The following GABRG3 variants were observed in gnomAD, a reference collection of about 807,000 sequenced individuals.
GABRG3 encodes gamma-aminobutyric acid receptor subunit gamma-3.
In GABRG3, 25 loss-of-function variants were observed where a neutral mutation model predicts 48.8. The ratio of observed to expected loss-of-function variants is 0.51; its 90% CI spans 0.37 to 0.72. The LOEUF is 0.72. Among genes scored for constraint, GABRG3 ranks in the 30% least tolerant of loss-of-function variants. The probability of loss-of-function intolerance (pLI) is 0.00; values close to 1 mark genes in which losing one functional copy is unlikely to be tolerated. For missense variants in GABRG3, 394 were observed against 577.9 expected (o/e 0.68, Z 3.26); for synonymous variants, 227 against 217.6 (o/e 1.04, Z -0.38).
intron 3 of GABRG3, among the ~76,000 whole-genome samples, chr15:27,164,071 A>T (rs1887294844): frequency 6.6e-6 from 1 of 152,256 alleles, no homozygotes; most frequent in African/African-American, 2.4e-5. Flanking sequence ...AATGTTTCAC[A>T]CATAAACATT....
At chr15:27,344,671 T>A (rs997393010) in intron 5 of GABRG3, among the ~76,000 whole-genome samples, 7 of 151,806 alleles carry the variant, frequency 4.6e-5, no homozygotes, top group African/African-American at 1.7e-4. Flanking sequence ...TCTCTTTGAT[T>A]GTAGGTTGAT....
rs1361408709 is a variant in GABRG3 at position 27,352,084 on chromosome 15, A to T, written c.574+23196A>T. Among the ~76,000 whole-genome samples, 4 of 136,004 alleles carry T rather than the reference A, an allele frequency of 2.9e-5. No individual in the cohort carries two copies. In the Admixed American group the frequency reaches 3.0e-4, roughly 10 times the overall value. 89.2% of individuals were successfully genotyped at this position (136,004 alleles called of 152,430 possible). A position where few individuals can be genotyped will look rare whatever the true frequency, so the allele number is the denominator to read the frequency against. On this transcript the variant is annotated intron_variant, in intron 5 of 9. Coordinates refer to ENST00000615808, the MANE Select transcript of GABRG3 (RefSeq NM_033223.5). The surrounding 1 kb of genome is among the most constrained non-coding windows in gnomAD (Gnocchi z 4.0). The stretch of plus-strand genomic sequence containing the variant: ...TGTATCGTGTGTGTGTGTATGGTGC[A>T]TGTGTGTGTATGATGTGTGTATGTA...
chr15:27,228,066 A>C (rs111707889), intron 3 of GABRG3, among the ~76,000 whole-genome samples: 1 of 152,160 alleles, frequency 6.6e-6, no homozygotes, highest in African/African-American at 2.4e-5. Flanking sequence ...ATAATACATA[A>C]TTTTGTTATT....
intron 5 of GABRG3, among the ~76,000 whole-genome samples, chr15:27,351,598 TTGTG>T (rs758176698): frequency 1.4e-5 from 2 of 138,604 alleles, no homozygotes; most frequent in Admixed American, 1.4e-4. Context: ...TGTATGGCGT[TTGTG>T]TGTGTATGGT....
At chr15:27,437,714 G>GT (rs1476860550) in intron 5 of GABRG3, among the ~76,000 whole-genome samples, 1 of 152,234 alleles carries the variant, frequency 6.6e-6, no homozygotes, top group Admixed American at 6.5e-5. Flanking sequence ...TCGTGTTGCT[G>GT]TAAGAGAATA....
intron 2 of GABRG3, among the ~76,000 whole-genome samples, chr15:26,982,052 T>TA (rs2140639009): frequency 6.6e-6 from 1 of 152,330 alleles, no homozygotes; most frequent in South Asian, 2.1e-4. Flanking sequence ...CTTCCAGCTT[T>TA]AAAATATTTC....
At chr15:27,275,933 T>C (rs1364799579) in intron 3 of GABRG3, among the ~76,000 whole-genome samples, 1 of 152,178 alleles carries the variant, frequency 6.6e-6, no homozygotes, top group Non-Finnish European at 1.5e-5. Flanking sequence ...GGCAGAGAGA[T>C]CCTGTTGGGC....
intron 6 of GABRG3, among the ~76,000 whole-genome samples, chr15:27,498,024 AT>A (rs1225657116): frequency 6.6e-6 from 1 of 152,128 alleles, no homozygotes; most frequent in African/African-American, 2.4e-5. Context: ...TTTATAAATT[AT>A]TCATTTCTTT....
At chr15:27,285,760 A>G (rs1229843329) in intron 3 of GABRG3, among the ~76,000 whole-genome samples, 7 of 152,246 alleles carry the variant, frequency 4.6e-5, no homozygotes, top group South Asian at 2.1e-4. Flanking sequence ...ATTAAGGCCT[A>G]TGGTGGGGAA....
At chr15:27,313,270 A>ATATATATATATATGTG in intron 3 of GABRG3, among the ~76,000 whole-genome samples, 1 of 47,092 alleles carries the variant, frequency 2.1e-5, no homozygotes, top group East Asian at 7.7e-4. Context: ...GTGTATATAT[A>ATATATATATATATGTG]TATATATATA....
At chr15:27,350,177 A>C (rs1393201610) in intron 5 of GABRG3, 5 of 455,734 alleles carry the variant, frequency 1.1e-5, no homozygotes, top group Admixed American at 2.4e-5. Flanking sequence ...CTGACGTTTA[A>C]AAGTTTCAAG....
Position 27,313,262 on chromosome 15 carries a change from GTATATATATATATA to G in GABRG3, c.271-13512_271-13499del, listed in dbSNP as rs1169926074. On this transcript the variant is annotated intron_variant, in intron 3 of 9. Transcript: ENST00000615808. ...TATATGTGTGTGTGTGTGTGTGTGT[GTATATATATATATA>G]TATATATATATATATATATATATAT... Among the ~76,000 whole-genome samples the G allele has an allele frequency of 6.3e-3, 217 of 34,558 alleles. 5 individuals are homozygous for G. The highest frequency in any genetic ancestry group is 0.022 in the East Asian group (21 of 938). The allele number at this position is 34,558 out of a possible 152,430, so 22.7% of individuals were successfully genotyped here.
At chr15:27,269,564 C>G (rs1441015185) in intron 3 of GABRG3, among the ~76,000 whole-genome samples, 1 of 152,212 alleles carries the variant, frequency 6.6e-6, no homozygotes. Context: ...ATCTCCCTCC[C>G]AGCAAGTTTC....
intron 3 of GABRG3, among the ~76,000 whole-genome samples, chr15:27,117,034 C>T (rs1202822845): frequency 6.6e-6 from 1 of 152,202 alleles, no homozygotes; most frequent in Non-Finnish European, 1.5e-5. Context: ...ATCCTCACAA[C>T]AGCCATCTGA....
intron 2 of GABRG3, among the ~76,000 whole-genome samples, chr15:27,006,367 A>G (rs1384944062): frequency 6.6e-6 from 1 of 151,870 alleles, no homozygotes; most frequent in Non-Finnish European, 1.5e-5. Context: ...ATGCCTGGCT[A>G]ATTTTTGTAT....
intron 3 of GABRG3, among the ~76,000 whole-genome samples, chr15:27,086,197 A>G (rs751252093): frequency 2.0e-5 from 3 of 151,616 alleles, no homozygotes; most frequent in Non-Finnish European, 4.4e-5. Flanking sequence ...TGGATCCGAC[A>G]TGCCAGGCAA....
chr15:27,024,701 A>G (rs1364086781), intron 2 of GABRG3, among the ~76,000 whole-genome samples: 6 of 152,120 alleles, frequency 3.9e-5, no homozygotes, highest in Admixed American at 3.3e-4. Context: ...CACTATTCTA[A>G]TGCTTCAATT....
At chr15:27,191,169 G>C (rs1215430101) in intron 3 of GABRG3, among the ~76,000 whole-genome samples, 2 of 152,136 alleles carry the variant, frequency 1.3e-5, no homozygotes, top group South Asian at 4.1e-4. Context: ...TTTTGGAATA[G>C]GTGTGTGGTG....
At chr15:27,216,778 A>T (rs1174414446) in intron 3 of GABRG3, among the ~76,000 whole-genome samples, 47 of 119,356 alleles carry the variant, frequency 3.9e-4, no homozygotes, top group Non-Finnish European at 4.3e-4. Flanking sequence ...TTATTTTTTA[A>T]TTTTTTTTTT....
Sources: allele counts gnomAD v4.1 joint callset (sites outside exome capture counted in the v4.1 genomes callset), GRCh38; gene constraint gnomAD v4.1.1; non-coding constraint Gnocchi (gnomAD v3.1); transcripts MANE v1.5; gene names NCBI Gene and HGNC (gene_info 2026-07-23, HGNC 2026-07-21).